Variants in RBMS3 observed in about 807,000 individuals in gnomAD.
The protein encoded by RBMS3 is RNA-binding motif, single-stranded-interacting protein 3.
RBMS3 carries 27 observed loss-of-function variants against 66.8 expected under a neutral mutation model. The observed-to-expected ratio is 0.40, with a 90% CI of 0.30 to 0.56. The LOEUF is 0.56. Ranked by LOEUF, RBMS3 falls within the 20% of genes least tolerant of loss-of-function variation. RBMS3 has a pLI of 0.40. For synonymous variants in RBMS3, 188 were observed against 183.0 expected (o/e 1.03, Z -0.22); for missense variants, 513 against 549.5 (o/e 0.93, Z 0.66).
intron 4 of RBMS3, among the ~76,000 whole-genome samples, chr3:29,727,962 G>A (rs1464146675): frequency 6.6e-6 from 1 of 152,156 alleles, no homozygotes; most frequent in African/African-American, 2.4e-5. Flanking sequence ...CAACCCCAAT[G>A]TCCATCAATG....
At chr3:29,506,018 C>A (rs954865825) in intron 3 of RBMS3, among the ~76,000 whole-genome samples, 1 of 151,844 alleles carries the variant, frequency 6.6e-6, no homozygotes, top group Non-Finnish European at 1.5e-5. Context: ...ATGTTACTTA[C>A]AAACAAGGAT....
At position 29,988,152 on chromosome 3, in the gene RBMS3, G is replaced by T; in HGVS notation, c.1108G>T (p.Ala370Ser). The change falls in exon 13 of 15, where the codon GCT becomes TCT. Residue 370 changes from alanine (A) to serine (S), a missense_variant. By Grantham distance (99) the Ala-to-Ser change is moderately conservative. Transcript: ENST00000383767. Reference sequence around the variant, plus strand: ...CTTTGATTCTCTCTAGTATATGACTGCTGCTGCTCCTATGCAAGGGACCTA... The same window carrying T: ...CTTTGATTCTCTCTAGTATATGACTTCTGCTGCTCCTATGCAAGGGACCTA... ...LHQLLCQYMT[A>S]AAPMQGTYIP... is the part of the protein sequence containing the mutation. 6.2e-7 allele frequency: 1 copy of T among 1,611,724 alleles called. No homozygotes were observed. Among genetic ancestry groups the T allele is most frequent in the Non-Finnish European group, 8.5e-7 (1 of 1,177,976 alleles).
chr3:29,729,233 C>T (rs1014054805), intron 4 of RBMS3, among the ~76,000 whole-genome samples: 1 of 138,386 alleles, frequency 7.2e-6, no homozygotes, highest in Admixed American at 8.5e-5. Context: ...TGAGTGAGAA[C>T]ATGCGGTGTT....
chr3:29,807,381 A>G (rs1559692384), intron 6 of RBMS3, among the ~76,000 whole-genome samples: 1 of 151,976 alleles, frequency 6.6e-6, no homozygotes, highest in Non-Finnish European at 1.5e-5. Flanking sequence ...GATTACTGCC[A>G]AGACAGAACA....
At chr3:29,452,115 A>AT (rs2042036642) in intron 2 of RBMS3, among the ~76,000 whole-genome samples, 1 of 152,190 alleles carries the variant, frequency 6.6e-6, no homozygotes, top group African/African-American at 2.4e-5. Context: ...ATGACGTCAG[A>AT]TAACAGGGAT....
intron 7 of RBMS3, among the ~76,000 whole-genome samples, chr3:29,878,179 G>A (rs2059654352): frequency 6.6e-6 from 1 of 152,074 alleles, no homozygotes; most frequent in African/African-American, 2.4e-5. Context: ...TGAAATGACA[G>A]GAAGCGGATC....
intron 1 of RBMS3, among the ~76,000 whole-genome samples, chr3:29,329,681 C>G (rs377221586): frequency 2.0e-5 from 3 of 151,692 alleles, no homozygotes; most frequent in East Asian, 3.9e-4. Context: ...ATGTGCCATG[C>G]ATTGAGTCAA....
chr3:29,875,410 G>T (rs1187354899), intron 7 of RBMS3, among the ~76,000 whole-genome samples: 1 of 152,038 alleles, frequency 6.6e-6, no homozygotes, highest in Non-Finnish European at 1.5e-5. Flanking sequence ...GGGTTTAACA[G>T]TATAGGTACT....
chr3:29,989,794 G>A (rs2149798478), intron 13 of RBMS3, among the ~76,000 whole-genome samples: 1 of 152,176 alleles, frequency 6.6e-6, no homozygotes. Context: ...TAAATTTCAT[G>A]TTCTTTGGTA....
intron 1 of RBMS3, among the ~76,000 whole-genome samples, chr3:29,293,332 A>C (rs1307616638): frequency 6.6e-6 from 1 of 151,794 alleles, no homozygotes; most frequent in African/African-American, 2.4e-5. Context: ...TTGTGAACCC[A>C]GCAAAGCCGT....
intron 4 of RBMS3, among the ~76,000 whole-genome samples, chr3:29,587,726 A>G (rs2047584125): frequency 6.6e-6 from 1 of 151,854 alleles, no homozygotes; most frequent in Non-Finnish European, 1.5e-5. Flanking sequence ...CAGGGAAATG[A>G]GTTTAACTGA....
chr3:29,908,480 A>AG (rs2060438351), intron 10 of RBMS3, among the ~76,000 whole-genome samples: 1 of 152,168 alleles, frequency 6.6e-6, no homozygotes, highest in Non-Finnish European at 1.5e-5. Flanking sequence ...CAAAGTAAAA[A>AG]TAATCAGTTG....
chr3:29,973,924 T>C (rs1697388297), intron 12 of RBMS3, among the ~76,000 whole-genome samples: 1 of 151,828 alleles, frequency 6.6e-6, no homozygotes, highest in Non-Finnish European at 1.5e-5. Flanking sequence ...CTCACATCCA[T>C]CTCTAACTTA....
intron 6 of RBMS3, among the ~76,000 whole-genome samples, chr3:29,853,423 CTTTT>C (rs71091081): frequency 5.9e-5 from 5 of 84,524 alleles, no homozygotes; most frequent in African/African-American, 2.2e-4. Context: ...AATTTACTTT[CTTTT>C]TTTTTTTTTT....
At chr3:29,712,715 G>T (rs2053227086) in intron 4 of RBMS3, among the ~76,000 whole-genome samples, 1 of 152,122 alleles carries the variant, frequency 6.6e-6, no homozygotes, top group Non-Finnish European at 1.5e-5. Context: ...ACAAAAAGGT[G>T]GAGAAAGGGT....
chr3:29,607,813 G>A (rs912709784), intron 4 of RBMS3, among the ~76,000 whole-genome samples: 2 of 151,812 alleles, frequency 1.3e-5, no homozygotes, highest in African/African-American at 4.8e-5. Flanking sequence ...TTAATTAATT[G>A]TTTTCACTAT....
intron 11 of RBMS3, among the ~76,000 whole-genome samples, 174 bp from the exon 12 acceptor site, chr3:29,944,033 A>G (rs918420669): frequency 2.6e-5 from 4 of 151,764 alleles, no homozygotes; most frequent in Non-Finnish European, 4.4e-5. Flanking sequence ...TTGTGGTAAT[A>G]GGGACCATGG....
At chr3:29,627,155 A>G (rs2049090574) in intron 4 of RBMS3, among the ~76,000 whole-genome samples, 1 of 152,152 alleles carries the variant, frequency 6.6e-6, no homozygotes, top group African/African-American at 2.4e-5. Flanking sequence ...TGTTAGTTTA[A>G]AAAAATATTT....
At chr3:29,708,276 A>G (rs562028126) in intron 4 of RBMS3, among the ~76,000 whole-genome samples, 19 of 152,334 alleles carry the variant, frequency 1.2e-4, no homozygotes, top group Admixed American at 1.0e-3. Context: ...TTTCATTTAA[A>G]TATCAGATGA....
Sources: gnomAD v4.1 joint callset for allele counts (sites outside exome capture counted in the v4.1 genomes callset) on GRCh38, gnomAD v4.1.1 for gene constraint, MANE v1.5 for transcripts, NCBI Gene and HGNC (gene_info 2026-07-23, HGNC 2026-07-21) for gene names.